The following L3MBTL3 variants were observed in gnomAD, a reference collection of about 807,000 sequenced individuals.
The protein encoded by L3MBTL3 is L3MBTL histone methyl-lysine binding protein 3, also known as lethal(3)malignant brain tumor-like protein 3.
A neutral mutation model predicts 102.3 loss-of-function variants in L3MBTL3; 27 were observed. The observed-to-expected ratio is 0.26, with a 90% CI of 0.19 to 0.36. The LOEUF (loss-of-function observed/expected upper bound fraction) is 0.36. Among genes scored for constraint, L3MBTL3 ranks in the 10% least tolerant of loss-of-function variants. L3MBTL3 has a pLI of 1.00. For missense variants in L3MBTL3, 798 were observed against 955.3 expected (o/e 0.84, Z 2.17); for synonymous variants, 340 against 320.9 (o/e 1.06, Z -0.64).
intron 22 of L3MBTL3, among the ~76,000 whole-genome samples, chr6:130,134,895 G>T (rs111399793): frequency 3.2e-4 from 49 of 152,224 alleles, no homozygotes; most frequent in African/African-American, 1.1e-3. Flanking sequence ...TTAGATGAAA[G>T]CTTGTTAAAA....
rs1209825920 is a variant in L3MBTL3 at position 130,134,239 on chromosome 6, TTC to T, written c.2199+338_2199+339del. Among the ~76,000 whole-genome samples, 7 of 152,224 alleles carry T rather than the reference TTC, an allele frequency of 4.6e-5. 1 individual carries two copies. Among genetic ancestry groups the T allele is most frequent in the Admixed American group, 4.6e-4 (7 of 15,280 alleles). On this transcript the variant is annotated intron_variant, in intron 22 of 22. Coordinates refer to ENST00000361794, the MANE Select transcript of L3MBTL3 (RefSeq NM_032438.4). ...GCCAAAGAAAGAAAGAAGCAACATT[TTC>T]TCTTTTTAATAAAGTGAAATTAGTT...
At chr6:130,059,914 T>G in intron 9 of L3MBTL3, 122 bp from the exon 10 acceptor site, 1 of 579,984 alleles carries the variant, frequency 1.7e-6, no homozygotes. Context: ...TTTCTTTTTC[T>G]TTGGATTTTT....
chr6:130,078,428 C>T (rs1427649609), intron 13 of L3MBTL3, 130 bp from the exon 14 acceptor site: 1 of 568,832 alleles, frequency 1.8e-6, no homozygotes, highest in Non-Finnish European at 3.1e-6. Context: ...GCATTTTTTT[C>T]CAAATTAGAT....
intron 13 of L3MBTL3, among the ~76,000 whole-genome samples, chr6:130,072,022 A>T (rs1485256144): frequency 1.3e-5 from 2 of 152,146 alleles, no homozygotes; most frequent in African/African-American, 4.8e-5. Flanking sequence ...CAGAATTTTT[A>T]AAAAATGTAG....
At chr6:130,096,688 G>T (rs13211683) in intron 18 of L3MBTL3, among the ~76,000 whole-genome samples, 1 of 151,954 alleles carries the variant, frequency 6.6e-6, no homozygotes, top group Admixed American at 6.6e-5. Flanking sequence ...ACCTCCGAGG[G>T]TTCCTCAGCT....
intron 2 of L3MBTL3, among the ~76,000 whole-genome samples, chr6:130,036,336 C>T (rs561609349): frequency 6.6e-6 from 1 of 152,038 alleles, no homozygotes; most frequent in Non-Finnish European, 1.5e-5. Flanking sequence ...TACCCATAGG[C>T]TTCAAAATTA....
chr6:130,096,097 A>G lies in L3MBTL3; in HGVS notation c.1736+1730A>G, dbSNP rs186110482. Among the ~76,000 whole-genome samples, 1,130 of 152,296 alleles carry G rather than the reference A, an allele frequency of 7.4e-3. 62 individuals carry two copies. The highest frequency in any genetic ancestry group is 0.068 in the Admixed American group (1,046 of 15,298). ...CTTGGATACCCTTTGTAACAGCCCT[A>G]TGATATAAGAACTGTTTTTTTCCCC... On this transcript the variant is annotated intron_variant, in intron 18 of 22. Transcript: ENST00000361794.
At chr6:130,032,811 T>C (rs553437300) in intron 2 of L3MBTL3, among the ~76,000 whole-genome samples, 1 of 152,294 alleles carries the variant, frequency 6.6e-6, no homozygotes, top group East Asian at 1.9e-4. Flanking sequence ...GGCAACATAG[T>C]GAGACCCCCA....
At chr6:130,122,609 G>A (rs1452474424) in intron 20 of L3MBTL3, among the ~76,000 whole-genome samples, 2 of 152,290 alleles carry the variant, frequency 1.3e-5, no homozygotes, top group Admixed American at 6.5e-5. Flanking sequence ...GCAAGTATTC[G>A]ATTATTTAAA....
At chr6:130,098,078 AG>A (rs1562308525) in intron 18 of L3MBTL3, among the ~76,000 whole-genome samples, 1 of 152,148 alleles carries the variant, frequency 6.6e-6, no homozygotes, top group African/African-American at 2.4e-5. Flanking sequence ...AAAAAAAAAA[AG>A]TAAACATTCT....
intron 2 of L3MBTL3, among the ~76,000 whole-genome samples, chr6:130,039,344 A>T (rs908079174): frequency 6.6e-6 from 1 of 152,146 alleles, no homozygotes; most frequent in Admixed American, 6.5e-5. Context: ...TTTCTTTGAT[A>T]TCATAAAATA....
At chr6:130,053,383 C>A (rs1345421062) in intron 7 of L3MBTL3, among the ~76,000 whole-genome samples, 2 of 152,248 alleles carry the variant, frequency 1.3e-5, no homozygotes, top group Admixed American at 1.3e-4. Flanking sequence ...TGCCTGTAAT[C>A]CCAGCACTTT....
At chr6:130,049,228 A>G in intron 3 of L3MBTL3, 54 bp from the exon 4 acceptor site, 1 of 988,566 alleles carries the variant, frequency 1.0e-6, no homozygotes, top group Middle Eastern at 2.1e-4. Flanking sequence ...TTAAATAATT[A>G]ATGACTTTCC....
intron 19 of L3MBTL3, among the ~76,000 whole-genome samples, chr6:130,112,744 G>A (rs1426107845): frequency 3.3e-5 from 5 of 152,082 alleles, no homozygotes; most frequent in African/African-American, 7.2e-5. Flanking sequence ...CTGGTATGCC[G>A]AATGCTTGGA....
At chr6:130,058,613 A>G (rs114111265) in intron 9 of L3MBTL3, among the ~76,000 whole-genome samples, 3 of 152,308 alleles carry the variant, frequency 2.0e-5, no homozygotes, top group Non-Finnish European at 2.9e-5. Flanking sequence ...ATACAAAAAC[A>G]AGGGTTGGTA....
chr6:130,117,346 C>T (rs1207360591), intron 19 of L3MBTL3, among the ~76,000 whole-genome samples: 1 of 151,134 alleles, frequency 6.6e-6, no homozygotes, highest in Non-Finnish European at 1.5e-5. Context: ...TGTATATGTG[C>T]CACATTTTCT....
chr6:130,105,790 C>T (rs773193949), intron 19 of L3MBTL3, among the ~76,000 whole-genome samples: 10 of 152,066 alleles, frequency 6.6e-5, no homozygotes, highest in African/African-American at 9.7e-5. Flanking sequence ...AAAGTATCAA[C>T]AGAATACTCA....
At chr6:130,061,751 G>A (rs4323324) in intron 10 of L3MBTL3, among the ~76,000 whole-genome samples, 71,748 of 152,018 alleles carry the variant, frequency 0.47, 19,615 homozygotes, top group East Asian at 0.76. Context: ...CAGCAAGAGC[G>A]CAAGGCGTGA....
chr6:130,086,016 G>C, intron 15 of L3MBTL3, 124 bp from the exon 16 acceptor site: 2 of 663,438 alleles, frequency 3.0e-6, no homozygotes. Context: ...GCCTTCCAAA[G>C]TGCTGGGATT....
Sources: allele counts gnomAD v4.1 joint callset (sites outside exome capture counted in the v4.1 genomes callset), GRCh38; gene constraint gnomAD v4.1.1; transcripts MANE v1.5; gene names NCBI Gene and HGNC (gene_info 2026-07-23, HGNC 2026-07-21).